The following ANKH variants were observed in gnomAD, a reference collection of about 807,000 sequenced individuals.
ANKH encodes the protein ANKH inorganic pyrophosphate transport regulator.
In ANKH, 15 loss-of-function variants were observed where a neutral mutation model predicts 49.0. That is an observed-to-expected ratio of 0.31 (90% CI 0.20 to 0.47). The LOEUF is 0.47. Among genes scored for constraint, ANKH ranks in the 20% least tolerant of loss-of-function variants. The probability of loss-of-function intolerance (pLI) is 1.00; values close to 1 mark genes in which losing one functional copy is unlikely to be tolerated. For synonymous variants in ANKH, 273 were observed against 260.0 expected (o/e 1.05, Z -0.48); for missense variants, 429 against 652.0 (o/e 0.66, Z 3.72).
rs760122222 is a variant in ANKH, at chr5:14,762,138, C to T, written c.314-3540G>A. On this transcript the variant is annotated intron_variant, in intron 2 of 11. Coordinates refer to ENST00000284268, the MANE Select transcript of ANKH (RefSeq NM_054027.6). The stretch of plus-strand genomic sequence containing the variant: ...CCCCAAGGCCACTGGGAAGTGTGTC[C>T]CAGGTGACAATCCTCAATCCTGGCC... 5.9e-5 allele frequency among the ~76,000 whole-genome samples: 9 copies of T among 152,264 alleles called. No individual in the cohort carries two copies. In the South Asian group the frequency reaches 1.9e-3, roughly 32 times the overall value.
intron 1 of ANKH, among the ~76,000 whole-genome samples, chr5:14,859,866 C>G (rs984424068): frequency 5.9e-5 from 9 of 152,232 alleles, no homozygotes; most frequent in East Asian, 1.9e-4. Flanking sequence ...AAAGGAGATT[C>G]TACAGTTCAG....
At chr5:14,758,433 C>G in intron 3 of ANKH, 47 bp downstream of exon 3, 1 of 1,401,074 alleles carries the variant, frequency 7.1e-7, no homozygotes, top group South Asian at 1.2e-5. Context: ...TATATTTTAC[C>G]ACCAGTTAAA....
At chr5:14,862,296 T>G (rs997306405) in intron 1 of ANKH, among the ~76,000 whole-genome samples, 1 of 152,230 alleles carries the variant, frequency 6.6e-6, no homozygotes, top group Admixed American at 6.5e-5. Flanking sequence ...GGAGAAACAG[T>G]AAATTCTGAT....
chr5:14,824,399 A>G (rs1003000658), intron 1 of ANKH, among the ~76,000 whole-genome samples: 3 of 152,176 alleles, frequency 2.0e-5, no homozygotes, highest in African/African-American at 7.2e-5. Flanking sequence ...GATATAAAAA[A>G]GCGGTTTCTT....
intron 1 of ANKH, among the ~76,000 whole-genome samples, chr5:14,834,969 T>C (rs1741612243): frequency 6.6e-6 from 1 of 152,164 alleles, no homozygotes; most frequent in Non-Finnish European, 1.5e-5. Context: ...CTTGTTTTAG[T>C]ACCATCATTA....
chr5:14,845,649 C>T (rs970463517), intron 1 of ANKH, among the ~76,000 whole-genome samples: 5 of 152,006 alleles, frequency 3.3e-5, no homozygotes, highest in Non-Finnish European at 5.9e-5. Context: ...GGTTTCAATC[C>T]ACCCAGGGTG....
intron 1 of ANKH, among the ~76,000 whole-genome samples, chr5:14,823,613 G>A (rs1289035018): frequency 6.6e-6 from 1 of 152,184 alleles, no homozygotes; most frequent in Non-Finnish European, 1.5e-5. Flanking sequence ...TCTTACGCAT[G>A]AGAAGTCATT....
intron 1 of ANKH, among the ~76,000 whole-genome samples, chr5:14,840,677 G>A (rs988411630): frequency 1.2e-4 from 18 of 152,188 alleles, no homozygotes; most frequent in African/African-American, 4.3e-4. Context: ...GATTTAGCGA[G>A]TATTATTACA....
chr5:14,825,847 T>C (rs1298450291), intron 1 of ANKH: 1 of 152,256 alleles, frequency 6.6e-6, no homozygotes, highest in Non-Finnish European at 1.5e-5. Flanking sequence ...TACAGTGCTA[T>C]ACGCAAAAAA....
At chr5:14,775,492 T>C (rs1169016413) in intron 1 of ANKH, among the ~76,000 whole-genome samples, 1 of 152,234 alleles carries the variant, frequency 6.6e-6, no homozygotes, top group Admixed American at 6.5e-5. Flanking sequence ...TGACTGCAGG[T>C]AGCTGAACCT....
chr5:14,808,306 C>T (rs979266416), intron 1 of ANKH, among the ~76,000 whole-genome samples: 2 of 151,910 alleles, frequency 1.3e-5, no homozygotes, highest in African/African-American at 4.8e-5. Flanking sequence ...TGATCTTTGA[C>T]CAAAAGCCAT....
chr5:14,792,752 A>T (rs993671567), intron 1 of ANKH, among the ~76,000 whole-genome samples: 1 of 151,568 alleles, frequency 6.6e-6, no homozygotes. Context: ...AGACAGGTGG[A>T]TCACCTGAGT....
At position 14,769,138 on chromosome 5, in the gene ANKH, G is replaced by A. The variant is rs201469678; in HGVS notation, c.150C>T (p.Ala50=). The A allele has an allele frequency of 3.1e-5, 50 of 1,614,040 alleles. No homozygotes were observed. Among genetic ancestry groups the A allele is most frequent in the Non-Finnish European group, 4.2e-5 (50 of 1,180,048 alleles). ...AVKEDAVEML[A]SYGLAYSLMK... ...TGAGGGAGTACGCCAGCCCGTAGCT[G>A]GCCAGCATCTCGACTGCATCCTCCT... Residue 50 remains alanine (A), a synonymous_variant, in exon 2 of 12, where the codon GCC becomes GCT. Transcript: ENST00000284268.
At chr5:14,862,171 C>T (rs994410633) in intron 1 of ANKH, among the ~76,000 whole-genome samples, 1 of 152,206 alleles carries the variant, frequency 6.6e-6, no homozygotes, top group Middle Eastern at 3.4e-3. Flanking sequence ...AGGAGGTGGA[C>T]GTTGCAGTGA....
intron 6 of ANKH, among the ~76,000 whole-genome samples, chr5:14,747,868 C>T (rs922551177): frequency 6.6e-6 from 1 of 152,096 alleles, no homozygotes; most frequent in Admixed American, 6.5e-5. Flanking sequence ...CCCAGCTGTG[C>T]GAAGCACCAC....
At chr5:14,720,055 A>G (rs115607621) in intron 8 of ANKH, among the ~76,000 whole-genome samples, 17 of 152,316 alleles carry the variant, frequency 1.1e-4, no homozygotes, top group African/African-American at 3.8e-4. Context: ...CTCTGAGTAC[A>G]CTAAGTTTCA....
intron 1 of ANKH, among the ~76,000 whole-genome samples, chr5:14,787,674 T>A (rs138655131): frequency 6.6e-6 from 1 of 152,216 alleles, no homozygotes; most frequent in Admixed American, 6.5e-5. Flanking sequence ...AAATGCCTAA[T>A]TTTCTAGGGT....
chr5:14,796,012 A>G (rs1740361863), intron 1 of ANKH, among the ~76,000 whole-genome samples: 1 of 152,204 alleles, frequency 6.6e-6, no homozygotes, highest in East Asian at 1.9e-4. Flanking sequence ...ATTATTTTGA[A>G]CATATTTTCC....
chr5:14,821,960 G>A (rs977014890), intron 1 of ANKH, among the ~76,000 whole-genome samples: 5 of 152,160 alleles, frequency 3.3e-5, no homozygotes, highest in African/African-American at 1.2e-4. Context: ...ATAAACATCA[G>A]AAGGTTATAT....
Sources: gnomAD v4.1 joint callset for allele counts (sites outside exome capture counted in the v4.1 genomes callset) on GRCh38, gnomAD v4.1.1 for gene constraint, MANE v1.5 for transcripts, NCBI Gene and HGNC (gene_info 2026-07-23, HGNC 2026-07-21) for gene names.